Variants in SLC36A4 observed in about 807,000 individuals in gnomAD.
SLC36A4 encodes the protein neutral amino acid uniporter 4.
Under a neutral mutation model 50.5 loss-of-function variants are expected in SLC36A4, and 49 were observed. The observed-to-expected ratio is 0.97, with a 90% CI of 0.77 to 1.23. The LOEUF is 1.23. Ranked by LOEUF, SLC36A4 falls within the 50% of genes most tolerant of loss-of-function variation. The pLI is 0.00. For missense variants in SLC36A4, 611 were observed against 608.4 expected, an observed-to-expected ratio of 1.00 and a Z score of -0.05; for synonymous variants, 207 against 206.5, an observed-to-expected ratio of 1.00 and a Z score of -0.02.
intron 10 of SLC36A4, 149 bp from the exon 11 acceptor site, chr11:93,148,993 G>T: frequency 1.1e-6 from 1 of 907,222 alleles, no homozygotes; most frequent in Non-Finnish European, 1.6e-6. Context: ...AAAAAAATCT[G>T]CCATATTTTG....
intron 10 of SLC36A4, among the ~76,000 whole-genome samples, chr11:93,149,175 C>T (rs1208082866): frequency 6.6e-6 from 1 of 152,006 alleles, no homozygotes. Context: ...TCTGCCCATA[C>T]AGCTCAATAA....
intron 8 of SLC36A4, among the ~76,000 whole-genome samples, chr11:93,163,185 C>T (rs1220611112): frequency 6.6e-6 from 1 of 151,818 alleles, no homozygotes; most frequent in Non-Finnish European, 1.5e-5. Context: ...TCCCATATAC[C>T]CCTCACCCAG....
intron 8 of SLC36A4, 105 bp downstream of exon 8, chr11:93,165,813 T>C (rs571348533): frequency 4.6e-6 from 3 of 649,802 alleles, no homozygotes; most frequent in Admixed American, 6.7e-5. Flanking sequence ...GTAAAGAAAA[T>C]TGAAATAAAA....
At chr11:93,183,955 C>T (rs1461811232) in intron 3 of SLC36A4, among the ~76,000 whole-genome samples, 1 of 152,138 alleles carries the variant, frequency 6.6e-6, no homozygotes, top group East Asian at 1.9e-4. Flanking sequence ...ACCTCGGCCT[C>T]CCAGAGTGCT....
At chr11:93,162,678 T>G (rs1448988932) in intron 9 of SLC36A4, 28 bp downstream of exon 9, 1 of 1,535,818 alleles carries the variant, frequency 6.5e-7, no homozygotes, top group Non-Finnish European at 8.8e-7. Flanking sequence ...ATATATAAAC[T>G]AATATTGACA....
At chr11:93,186,150 G>A (rs748961835) in intron 1 of SLC36A4, among the ~76,000 whole-genome samples, 4 of 152,082 alleles carry the variant, frequency 2.6e-5, no homozygotes, top group Non-Finnish European at 5.9e-5. Context: ...TATTTTCATC[G>A]CTGCTTAGCT....
intron 3 of SLC36A4, 59 bp downstream of exon 3, chr11:93,184,370 GT>G: frequency 1.0e-6 from 1 of 997,410 alleles, no homozygotes; most frequent in Non-Finnish European, 1.6e-6. Context: ...CAGATATTAG[GT>G]TGCTATAAAT....
intron 6 of SLC36A4, among the ~76,000 whole-genome samples, chr11:93,177,599 C>T (rs867513139): frequency 1.5e-4 from 23 of 152,160 alleles, no homozygotes; most frequent in African/African-American, 5.3e-4. Flanking sequence ...ACAGTCAGGA[C>T]CCTCAGCTGC....
chr11:93,163,898 C>A (rs1286233115), intron 8 of SLC36A4, among the ~76,000 whole-genome samples: 1 of 151,944 alleles, frequency 6.6e-6, no homozygotes. Context: ...CCACTTTTGC[C>A]CATTGTAAAT....
At chr11:93,183,978 A>T (rs10765593) in intron 3 of SLC36A4, among the ~76,000 whole-genome samples, 2 of 152,036 alleles carry the variant, frequency 1.3e-5, no homozygotes, top group South Asian at 4.1e-4. Flanking sequence ...GATTACAGGC[A>T]TGGGCTACCG....
intron 5 of SLC36A4, 147 bp from the exon 6 acceptor site, chr11:93,181,028 A>G: frequency 1.6e-6 from 1 of 613,888 alleles, no homozygotes; most frequent in Non-Finnish European, 2.9e-6. Flanking sequence ...AGTTCATGCC[A>G]AATCTAACTT....
At chr11:93,176,467 A>G (rs1861476758) in intron 6 of SLC36A4, among the ~76,000 whole-genome samples, 1 of 151,756 alleles carries the variant, frequency 6.6e-6, no homozygotes, top group Admixed American at 6.6e-5. Context: ...TAATATTGTT[A>G]TGTGTGAATT....
At chr11:93,178,534 G>C (rs1399182549) in intron 6 of SLC36A4, among the ~76,000 whole-genome samples, 1 of 152,128 alleles carries the variant, frequency 6.6e-6, no homozygotes, top group African/African-American at 2.4e-5. Flanking sequence ...CCGGCGAGTA[G>C]TTTAATTTTT....
intron 9 of SLC36A4, chr11:93,160,441 G>A: frequency 1.0e-6 from 1 of 985,354 alleles, no homozygotes; most frequent in Non-Finnish European, 1.2e-6. Flanking sequence ...TTTAAATCAA[G>A]AGTCTCAACT....
At chr11:93,186,448 T>C (rs1359282763) in intron 1 of SLC36A4, among the ~76,000 whole-genome samples, 2 of 152,166 alleles carry the variant, frequency 1.3e-5, no homozygotes, top group Non-Finnish European at 2.9e-5. Context: ...ATATATTGCA[T>C]TTAATTGAGT....
chr11:93,157,190 T>G (rs143791113), intron 9 of SLC36A4, among the ~76,000 whole-genome samples: 6,306 of 152,244 alleles, frequency 0.041, 182 homozygotes, highest in South Asian at 0.098. Context: ...TCTATTCTGT[T>G]CCATTGGTCT....
At chr11:93,174,202 G>A (rs1276970680) in intron 6 of SLC36A4, among the ~76,000 whole-genome samples, 3 of 145,742 alleles carry the variant, frequency 2.1e-5, no homozygotes, top group African/African-American at 7.5e-5. Context: ...TTATTCTCTT[G>A]GAAGCAATTG....
intron 9 of SLC36A4, among the ~76,000 whole-genome samples, chr11:93,156,579 C>G (rs1186848546): frequency 6.6e-6 from 1 of 152,006 alleles, no homozygotes; most frequent in East Asian, 1.9e-4. Flanking sequence ...GCCACCACAC[C>G]TGGCTAATTT....
At chr11:93,196,528 G>A (rs1274256973) in intron 1 of SLC36A4, among the ~76,000 whole-genome samples, 4 of 152,112 alleles carry the variant, frequency 2.6e-5, no homozygotes, top group African/African-American at 9.7e-5. Context: ...CACCACGCCC[G>A]GCTAATTTTT....
Sources: gnomAD v4.1 joint callset for allele counts (sites outside exome capture counted in the v4.1 genomes callset) on GRCh38, gnomAD v4.1.1 for gene constraint, MANE v1.5 for transcripts, NCBI Gene and HGNC (gene_info 2026-07-23, HGNC 2026-07-21) for gene names.